The following CCSER1 variants were observed in gnomAD, a reference collection of about 807,000 sequenced individuals.
The protein encoded by CCSER1 is serine-rich coiled-coil domain-containing protein 1.
Under a neutral mutation model 82.0 loss-of-function variants are expected in CCSER1, and 41 were observed. The ratio of observed to expected loss-of-function variants is 0.50; its 90% confidence interval spans 0.39 to 0.65. The LOEUF (loss-of-function observed/expected upper bound fraction) is 0.65. CCSER1 is among the 30% of genes least tolerant of loss of function. CCSER1 has a pLI of 0.00. For missense variants in CCSER1, 1,119 were observed against 1,064.2 expected, an observed-to-expected ratio of 1.05 and a Z score of -0.72; for synonymous variants, 414 against 383.9, an observed-to-expected ratio of 1.08 and a Z score of -0.92.
chr4:90,155,783 C>T (rs1480881834), intron 1 of CCSER1, among the ~76,000 whole-genome samples: 18 of 147,778 alleles, frequency 1.2e-4, no homozygotes, highest in South Asian at 2.2e-4. Context: ...ATTAGTCTTG[C>T]TAGCGGTCTA....
intron 8 of CCSER1, among the ~76,000 whole-genome samples, chr4:90,829,798 C>G (rs115980922): frequency 1.3e-5 from 2 of 152,164 alleles, no homozygotes; most frequent in African/African-American, 4.8e-5. Flanking sequence ...GTCTGTTTCC[C>G]GTAATTCTTT....
chr4:91,252,192 GA>G (rs947152547), intron 10 of CCSER1, among the ~76,000 whole-genome samples: 3 of 150,850 alleles, frequency 2.0e-5, no homozygotes, highest in South Asian at 2.1e-4. Context: ...GTGCTGAAAG[GA>G]AAAAAAAATT....
intron 10 of CCSER1, among the ~76,000 whole-genome samples, chr4:91,396,171 A>T (rs534450949): frequency 6.6e-6 from 1 of 152,242 alleles, no homozygotes; most frequent in Non-Finnish European, 1.5e-5. Flanking sequence ...TGCAGTTATT[A>T]TTGACCTGTT....
At chr4:90,846,671 CTTCT>C (rs1763267278) in intron 8 of CCSER1, among the ~76,000 whole-genome samples, 1 of 152,206 alleles carries the variant, frequency 6.6e-6, no homozygotes, top group East Asian at 1.9e-4. Context: ...GAATTTATTC[CTTCT>C]AACTAACTGT....
chr4:91,290,364 C>T (rs1462350259), intron 10 of CCSER1, among the ~76,000 whole-genome samples: 1 of 151,882 alleles, frequency 6.6e-6, no homozygotes, highest in African/African-American at 2.4e-5. Flanking sequence ...ATTATATTTG[C>T]TGCTAAGATA....
At position 91,472,763 on chromosome 4, in the gene CCSER1, A is replaced by G. The variant is rs147248580; in HGVS notation, c.2218-125809A>G. On this transcript the variant is annotated intron_variant, in intron 10 of 10. Coordinates refer to ENST00000509176, the MANE Select transcript of CCSER1 (RefSeq NM_001145065.2). Reference sequence around the variant, plus strand: ...GGAGATGTTAGCAGTATCACAGGTCATACCTTATGACAAGCCTTAACAATA... The same window carrying G: ...GGAGATGTTAGCAGTATCACAGGTCGTACCTTATGACAAGCCTTAACAATA... Among the ~76,000 whole-genome samples, 1,136 of 152,298 alleles carry G rather than the reference A, an allele frequency of 7.5e-3. 9 individuals are homozygous for G. Among genetic ancestry groups the G allele is most frequent in the Non-Finnish European group, 0.012 (788 of 68,016 alleles).
chr4:91,472,665 A>C (rs530959818), intron 10 of CCSER1, among the ~76,000 whole-genome samples: 3 of 152,318 alleles, frequency 2.0e-5, no homozygotes, highest in African/African-American at 7.2e-5. Context: ...AGACAGTTTC[A>C]TAGGCACAAT....
intron 9 of CCSER1, among the ~76,000 whole-genome samples, chr4:91,028,663 T>G (rs1476898605): frequency 6.6e-6 from 1 of 151,894 alleles, no homozygotes; most frequent in African/African-American, 2.4e-5. Context: ...AGTAATCTAC[T>G]TGTTTCTTTA....
intron 3 of CCSER1, among the ~76,000 whole-genome samples, chr4:90,373,025 G>T (rs183350911): frequency 1.8e-3 from 268 of 151,932 alleles, no homozygotes; most frequent in Non-Finnish European, 3.0e-3. Context: ...TACTATTCAA[G>T]CATCCAACCA....
chr4:90,923,023 A>G (rs900161121), intron 8 of CCSER1, among the ~76,000 whole-genome samples: 4 of 152,146 alleles, frequency 2.6e-5, no homozygotes, highest in Non-Finnish European at 5.9e-5. Flanking sequence ...AGTGTTCTGA[A>G]ACTGGATCAG....
chr4:90,841,093 C>T (rs966226219), intron 8 of CCSER1, among the ~76,000 whole-genome samples: 2 of 152,012 alleles, frequency 1.3e-5, no homozygotes, highest in African/African-American at 2.4e-5. Flanking sequence ...CTAAATGATG[C>T]TTTTCCTGCA....
intron 1 of CCSER1, among the ~76,000 whole-genome samples, chr4:90,276,218 CTTTCTTTCTTTCT>C (rs1727570890): frequency 1.1e-5 from 1 of 91,692 alleles, no homozygotes; most frequent in African/African-American, 4.3e-5. Flanking sequence ...TTCTTTCTTT[CTTTCTTTCTTTCT>C]TTCTTTCTTT....
chr4:91,045,918 T>G, intron 9 of CCSER1, among the ~76,000 whole-genome samples: 1 of 147,484 alleles, frequency 6.8e-6, no homozygotes, highest in African/African-American at 2.5e-5. Flanking sequence ...GTGGGGCTGT[T>G]TTACAGGATT....
intron 5 of CCSER1, among the ~76,000 whole-genome samples, chr4:90,482,496 C>G: frequency 6.6e-6 from 1 of 152,188 alleles, no homozygotes; most frequent in Non-Finnish European, 1.5e-5. Context: ...CCTGCTTTCT[C>G]TTGTGGGCAT....
chr4:90,569,739 A>G (rs1779882333), intron 5 of CCSER1, among the ~76,000 whole-genome samples: 1 of 152,208 alleles, frequency 6.6e-6, no homozygotes, highest in Non-Finnish European at 1.5e-5. Context: ...AAGGCTCTCC[A>G]TCTTGTGCTG....
intron 9 of CCSER1, among the ~76,000 whole-genome samples, chr4:90,995,757 A>G (rs1231065431): frequency 1.3e-5 from 2 of 152,098 alleles, no homozygotes; most frequent in Non-Finnish European, 2.9e-5. Context: ...AATTAAAACT[A>G]TATGCTTTTC....
At chr4:90,539,991 A>C (rs1775902784) in intron 5 of CCSER1, among the ~76,000 whole-genome samples, 2 of 152,060 alleles carry the variant, frequency 1.3e-5, no homozygotes, top group Non-Finnish European at 2.9e-5. Flanking sequence ...AAAAGCATGG[A>C]AATGGCAAGA....
At chr4:91,001,804 T>C (rs1051822235) in intron 9 of CCSER1, among the ~76,000 whole-genome samples, 1 of 152,228 alleles carries the variant, frequency 6.6e-6, no homozygotes, top group African/African-American at 2.4e-5. Flanking sequence ...ATGCTATTTG[T>C]TGCCTGTATA....
At chr4:90,391,497 GTGGGTAAATATATATATATATA>G (rs2153538858) in intron 3 of CCSER1, among the ~76,000 whole-genome samples, 1 of 65,908 alleles carries the variant, frequency 1.5e-5, no homozygotes, top group Non-Finnish European at 2.5e-5. Context: ...CACACACACA[GTGGGTAAATATATATATATATA>G]TATATATATA....
Sources: allele counts gnomAD v4.1 joint callset (sites outside exome capture counted in the v4.1 genomes callset), GRCh38; gene constraint gnomAD v4.1.1; transcripts MANE v1.5; gene names NCBI Gene and HGNC (gene_info 2026-07-23, HGNC 2026-07-21).